The following FGF14 variants were observed in gnomAD, a reference collection of about 807,000 sequenced individuals.
FGF14 encodes fibroblast growth factor homologous factor 4.
In FGF14, 5 loss-of-function variants were observed where a neutral mutation model predicts 25.5. The observed-to-expected ratio is 0.20, with a 90% confidence interval of 0.10 to 0.41. The LOEUF is 0.41. Among genes scored for constraint, FGF14 ranks in the 10% least tolerant of loss-of-function variants. FGF14 has a pLI of 1.00. For missense variants in FGF14, 222 were observed against 320.1 expected (o/e 0.69, Z 2.34); for synonymous variants, 138 against 118.3 (o/e 1.17, Z -1.08).
intron 1 of FGF14, among the ~76,000 whole-genome samples, chr13:102,384,485 T>C (rs1035809653): frequency 6.6e-6 from 1 of 152,172 alleles, no homozygotes; most frequent in Non-Finnish European, 1.5e-5. Flanking sequence ...AGGTTTACTG[T>C]TTTCTCTTTC....
At chr13:102,153,957 T>G (rs934154287) in intron 1 of FGF14, among the ~76,000 whole-genome samples, 1 of 152,248 alleles carries the variant, frequency 6.6e-6, no homozygotes, top group African/African-American at 2.4e-5. Flanking sequence ...TGTTCTTCTC[T>G]CTATTGTAGC....
At chr13:102,386,097 G>C (rs1449864030) in intron 1 of FGF14, among the ~76,000 whole-genome samples, 1 of 151,690 alleles carries the variant, frequency 6.6e-6, no homozygotes. Flanking sequence ...CTAAAGGGGA[G>C]GGAGATAAGA....
At chr13:102,275,207 T>A (rs1449148077) in intron 1 of FGF14, among the ~76,000 whole-genome samples, 9 of 149,012 alleles carry the variant, frequency 6.0e-5, no homozygotes, top group Non-Finnish European at 7.4e-5. Context: ...CAGAAGCTGC[T>A]AATCTGCCAA....
chr13:101,984,243 A>G (rs2038435226), intron 1 of FGF14, among the ~76,000 whole-genome samples: 1 of 152,150 alleles, frequency 6.6e-6, no homozygotes, highest in Non-Finnish European at 1.5e-5. Flanking sequence ...ATGCTTTTTC[A>G]TTTGGCACCT....
At chr13:101,855,608 C>G (rs181129696) in intron 3 of FGF14, among the ~76,000 whole-genome samples, 2 of 152,002 alleles carry the variant, frequency 1.3e-5, no homozygotes, top group Admixed American at 1.3e-4. Context: ...CTATTAGAAA[C>G]ATAATGAAGT....
chr13:102,331,246 T>C (rs1356909150), intron 1 of FGF14, among the ~76,000 whole-genome samples: 2 of 152,218 alleles, frequency 1.3e-5, no homozygotes, highest in Non-Finnish European at 2.9e-5. Flanking sequence ...GTTTTAATGA[T>C]TAAATTCTGA....
intron 3 of FGF14, among the ~76,000 whole-genome samples, chr13:101,838,260 T>A (rs556855457): frequency 6.6e-6 from 1 of 152,054 alleles, no homozygotes; most frequent in East Asian, 1.9e-4. Context: ...ATATATATAT[T>A]TTTAAAAAGT....
intron 1 of FGF14, among the ~76,000 whole-genome samples, chr13:102,341,268 A>G (rs1021278240): frequency 1.3e-5 from 2 of 152,230 alleles, no homozygotes; most frequent in Non-Finnish European, 2.9e-5. Context: ...GAAGAGTAAG[A>G]GGACAATTAT....
chr13:101,730,728 G>T (rs2035750877), intron 3 of FGF14, among the ~76,000 whole-genome samples: 1 of 152,098 alleles, frequency 6.6e-6, no homozygotes, highest in African/African-American at 2.4e-5. Flanking sequence ...GATCTCCAGG[G>T]ATAATGTGCA....
chr13:102,377,166 T>A (rs1162448932), intron 1 of FGF14, among the ~76,000 whole-genome samples: 1 of 152,088 alleles, frequency 6.6e-6, no homozygotes, highest in East Asian at 1.9e-4. Flanking sequence ...AGGCTACAAT[T>A]TGCATGAATA....
chr13:102,094,986 T>A (rs749095368), intron 1 of FGF14, among the ~76,000 whole-genome samples: 1 of 151,946 alleles, frequency 6.6e-6, no homozygotes, highest in Non-Finnish European at 1.5e-5. Flanking sequence ...ATGGAAGGGG[T>A]TATCAACACT....
chr13:101,807,903 A>G (rs2041288257), intron 3 of FGF14, among the ~76,000 whole-genome samples: 1 of 152,118 alleles, frequency 6.6e-6, no homozygotes, highest in Non-Finnish European at 1.5e-5. Flanking sequence ...TCAGGCCCTC[A>G]AAAGGGTTTT....
intron 1 of FGF14, among the ~76,000 whole-genome samples, chr13:102,282,055 C>A (rs973395947): frequency 1.2e-4 from 16 of 132,270 alleles, no homozygotes; most frequent in Non-Finnish European, 2.2e-4. Flanking sequence ...CTTCTCCTAA[C>A]CCTGCTTCTT....
chr13:101,827,000 A>G (rs2042424503), intron 3 of FGF14, among the ~76,000 whole-genome samples: 1 of 152,028 alleles, frequency 6.6e-6, no homozygotes, highest in South Asian at 2.1e-4. Flanking sequence ...TTATTAAAAC[A>G]GTAAATCTTA....
At chr13:101,881,527 T>C (rs888597860) in intron 1 of FGF14, among the ~76,000 whole-genome samples, 5 of 152,224 alleles carry the variant, frequency 3.3e-5, no homozygotes, top group African/African-American at 4.8e-5. Context: ...ATATCAATTA[T>C]GTAATTGCAA....
chr13:102,365,732 GTA>G (rs1462467155), intron 1 of FGF14, among the ~76,000 whole-genome samples: 1 of 151,848 alleles, frequency 6.6e-6, no homozygotes, highest in Non-Finnish European at 1.5e-5. Flanking sequence ...ACCTGTTTAT[GTA>G]TATATGTGTG....
At chr13:101,913,583 A>C (rs994792691) in intron 1 of FGF14, among the ~76,000 whole-genome samples, 1 of 152,168 alleles carries the variant, frequency 6.6e-6, no homozygotes, top group Admixed American at 6.5e-5. Flanking sequence ...TCTGTTTTCA[A>C]GCATATCACA....
chr13:101,852,686 A>T (rs2043919164), intron 3 of FGF14, among the ~76,000 whole-genome samples: 2 of 152,096 alleles, frequency 1.3e-5, no homozygotes, highest in Admixed American at 1.3e-4. Context: ...ACACATAAGA[A>T]GAATACTTGA....
In FGF14 at chr13:101,916,521, C is replaced by T. The variant is rs778428836; in HGVS notation, c.125G>A (p.Gly42Asp). Reference sequence around the variant, plus strand: ...TTTGGAGAAGATATCCACCAGGTTGCCGTTGCAGAGCCCGCGGTTCTTGCT... The same window carrying T: ...TTTGGAGAAGATATCCACCAGGTTGTCGTTGCAGAGCCCGCGGTTCTTGCT... Reference protein sequence around the residue: ...SPSKNRGLCNGNLVDIFSKVR... With the variant: ...SPSKNRGLCNDNLVDIFSKVR... The change falls in exon 1 of 5, where the codon GGC becomes GAC. Residue 42 changes from glycine (G) to aspartate (D), a missense_variant. Transcript: ENST00000376143. 10 of 1,613,722 alleles carry T rather than the reference C, an allele frequency of 6.2e-6. No homozygotes were observed. The highest frequency in any genetic ancestry group is 8.5e-6 in the Non-Finnish European group (10 of 1,179,946).
Sources: allele counts gnomAD v4.1 joint callset (sites outside exome capture counted in the v4.1 genomes callset), GRCh38; gene constraint gnomAD v4.1.1; transcripts MANE v1.5; gene names NCBI Gene and HGNC (gene_info 2026-07-23, HGNC 2026-07-21).